SUCLG2: variants seen among roughly 807,000 people sequenced by gnomAD.
SUCLG2 encodes the protein succinate-CoA ligase GDP-forming subunit beta.
In SUCLG2, 42 loss-of-function variants were observed where a neutral mutation model predicts 47.9. The observed-to-expected ratio is 0.88, with a 90% CI of 0.69 to 1.14. SUCLG2 has a LOEUF of 1.14. Among genes scored for constraint, SUCLG2 ranks in the 50% most tolerant of loss-of-function variants. SUCLG2 has a pLI of 0.00. For synonymous variants in SUCLG2, 195 were observed against 197.3 expected (o/e 0.99, Z 0.10); for missense variants, 571 against 525.9 (o/e 1.09, Z -0.84).
intron 2 of SUCLG2, among the ~76,000 whole-genome samples, chr3:67,565,610 C>A (rs1283369879): frequency 3.9e-5 from 6 of 152,172 alleles, no homozygotes; most frequent in Admixed American, 3.9e-4. Context: ...GACTCTCTAG[C>A]TAAAGTTTGT....
intron 9 of SUCLG2, among the ~76,000 whole-genome samples, chr3:67,459,092 C>G (rs1188840354): frequency 6.6e-6 from 1 of 152,090 alleles, no homozygotes; most frequent in Non-Finnish European, 1.5e-5. Flanking sequence ...ATTCAACCTG[C>G]CTCTGATCTT....
At chr3:67,405,484 C>T (rs1387144316) in intron 9 of SUCLG2, among the ~76,000 whole-genome samples, 1 of 152,106 alleles carries the variant, frequency 6.6e-6, no homozygotes, top group East Asian at 1.9e-4. Context: ...TTAGGGATTC[C>T]TCAGTCAGGT....
chr3:67,488,873 A>T (rs769329450), intron 9 of SUCLG2, among the ~76,000 whole-genome samples: 1 of 152,196 alleles, frequency 6.6e-6, no homozygotes, highest in Non-Finnish European at 1.5e-5. Context: ...AGGACTCGTA[A>T]TCAATTCCGG....
intron 9 of SUCLG2, among the ~76,000 whole-genome samples, chr3:67,488,648 C>G (rs1705125821): frequency 6.6e-6 from 1 of 152,176 alleles, no homozygotes; most frequent in Non-Finnish European, 1.5e-5. Context: ...TGCAGAGATT[C>G]TTGACATTAT....
At chr3:67,514,129 G>C in intron 6 of SUCLG2, 1 of 304,632 alleles carries the variant, frequency 3.3e-6, no homozygotes, top group Non-Finnish European at 6.7e-6. Context: ...TGAAGATCCT[G>C]CCTTGATTTG....
intron 2 of SUCLG2, among the ~76,000 whole-genome samples, chr3:67,542,561 T>C (rs1706747717): frequency 6.6e-6 from 1 of 152,078 alleles, no homozygotes; most frequent in African/African-American, 2.4e-5. Flanking sequence ...TCAAGACCCA[T>C]CAGTGTGCTG....
intron 2 of SUCLG2, among the ~76,000 whole-genome samples, chr3:67,583,288 G>A (rs1051796862): frequency 1.3e-5 from 2 of 152,166 alleles, no homozygotes; most frequent in African/African-American, 2.4e-5. Context: ...ACCCTAGGGA[G>A]AGCCACCATC....
At chr3:67,435,741 TTAATCAAGTACAG>T (rs1241911089) in intron 9 of SUCLG2, among the ~76,000 whole-genome samples, 1 of 152,228 alleles carries the variant, frequency 6.6e-6, no homozygotes, top group Non-Finnish European at 1.5e-5. Flanking sequence ...CTGTTTTGCT[TTAATCAAGTACAG>T]ACAAGACAAC....
At chr3:67,578,315 A>AT (rs1707796705) in intron 2 of SUCLG2, among the ~76,000 whole-genome samples, 1 of 148,868 alleles carries the variant, frequency 6.7e-6, no homozygotes, top group Non-Finnish European at 1.5e-5. Context: ...CATATATATG[A>AT]TTTTAAAGCC....
chr3:67,360,571 G>C, exon 11 of SUCLG2: 1 of 1,427,296 alleles, frequency 7.0e-7, no homozygotes, highest in African/African-American at 1.4e-5. Context: ...ATAATTTTGT[G>C]ATGATATTCA....
At chr3:67,518,142 A>C in intron 6 of SUCLG2, 105 bp downstream of exon 6, 1 of 949,160 alleles carries the variant, frequency 1.1e-6, no homozygotes, top group Non-Finnish European at 1.6e-6. Flanking sequence ...TAAAACAATA[A>C]ATAATCCTGT....
At chr3:67,631,413 A>G (rs1700923565) in intron 1 of SUCLG2, among the ~76,000 whole-genome samples, 1 of 152,116 alleles carries the variant, frequency 6.6e-6, no homozygotes, top group African/African-American at 2.4e-5. Context: ...GGATTCCTTG[A>G]GGCCAGGAGT....
intron 2 of SUCLG2, among the ~76,000 whole-genome samples, chr3:67,547,779 A>G (rs1290903212): frequency 2.6e-5 from 4 of 152,112 alleles, no homozygotes; most frequent in Non-Finnish European, 4.4e-5. Flanking sequence ...AGCAGATGCC[A>G]CCTCTCCTCT....
chr3:67,573,274 C>T (rs7650892), intron 2 of SUCLG2, among the ~76,000 whole-genome samples: 3,371 of 152,238 alleles, frequency 0.022, 118 homozygotes, highest in African/African-American at 0.077. Flanking sequence ...CTAATCAAAA[C>T]ACCAGCAGGT....
At chr3:67,625,200 G>A (rs969737382) in intron 1 of SUCLG2, among the ~76,000 whole-genome samples, 3 of 152,220 alleles carry the variant, frequency 2.0e-5, no homozygotes, top group Non-Finnish European at 2.9e-5. Flanking sequence ...CAAGATGACA[G>A]TTCTGGGAGT....
chr3:67,638,659 T>C (rs756526123), intron 1 of SUCLG2, among the ~76,000 whole-genome samples: 15 of 152,332 alleles, frequency 9.8e-5, no homozygotes, highest in East Asian at 1.9e-4. Context: ...AAAGCCTTTA[T>C]AGCAAGCAGA....
intron 2 of SUCLG2, among the ~76,000 whole-genome samples, chr3:67,590,953 A>G (rs971877751): frequency 6.6e-6 from 1 of 152,228 alleles, no homozygotes; most frequent in African/African-American, 2.4e-5. Flanking sequence ...AAAATTAAAA[A>G]AAAACCTTTT....
At chr3:67,503,773 T>C (rs1431770885) in intron 7 of SUCLG2, among the ~76,000 whole-genome samples, 2 of 152,216 alleles carry the variant, frequency 1.3e-5, no homozygotes, top group African/African-American at 4.8e-5. Flanking sequence ...CAAATGTATT[T>C]TCCTTCTGAA....
chr3:67,569,292 C>A (rs1392475037), intron 2 of SUCLG2, among the ~76,000 whole-genome samples: 1 of 152,246 alleles, frequency 6.6e-6, no homozygotes, highest in African/African-American at 2.4e-5. Context: ...TTTGTTACAA[C>A]TATTTGCCCA....
Sources: allele counts gnomAD v4.1 joint callset (sites outside exome capture counted in the v4.1 genomes callset), GRCh38; gene constraint gnomAD v4.1.1; transcripts MANE v1.5; gene names NCBI Gene and HGNC (gene_info 2026-07-23, HGNC 2026-07-21).